NEK10: variants seen among roughly 807,000 people sequenced by gnomAD.
NEK10 encodes serine/threonine-protein kinase Nek10.
In NEK10, 122 loss-of-function variants were observed where a neutral mutation model predicts 159.8. The observed-to-expected ratio is 0.76, with a 90% CI of 0.66 to 0.89. The LOEUF is 0.89. NEK10 is among the 40% of genes least tolerant of loss of function. NEK10 has a pLI of 0.00. For missense variants in NEK10, 1,342 were observed against 1,323.1 expected (o/e 1.01, Z -0.22); for synonymous variants, 466 against 457.1 (o/e 1.02, Z -0.25).
chr3:27,295,654 G>A lies in NEK10; in HGVS notation c.1267C>T (p.Pro423Ser). ...TTTGCTGCATTCTTTTGCTTATTTGGTAAAATTAATTTTGCTATTGTATAT... is the reference window on the plus strand; with the variant it reads ...TTTGCTGCATTCTTTTGCTTATTTGATAAAATTAATTTTGCTATTGTATAT... Reference protein sequence around the residue: ...GVYTIAKLILPNKQKNAAKSN... With the variant: ...GVYTIAKLILSNKQKNAAKSN... Residue 423 changes from proline (P) to serine (S), a missense_variant, in exon 15 of 36, where the codon CCA becomes TCA. By Grantham distance (74) the Pro-to-Ser change is moderately conservative. Coordinates refer to ENST00000691995, the MANE Select transcript of NEK10 (RefSeq NM_001394966.1). The A allele has an allele frequency of 6.4e-7, 1 of 1,567,188 alleles. No homozygotes were observed. The highest frequency in any genetic ancestry group is 8.7e-7 in the Non-Finnish European group (1 of 1,153,502).
At chr3:27,117,094 C>T (rs561164789) in intron 33 of NEK10, among the ~76,000 whole-genome samples, 11 of 152,140 alleles carry the variant, frequency 7.2e-5, no homozygotes, top group East Asian at 1.9e-4. Context: ...TTTCTGTTCC[C>T]GTGTTAGTTT....
At chr3:27,119,150 T>C (rs2125438286) in intron 33 of NEK10, among the ~76,000 whole-genome samples, 1 of 152,340 alleles carries the variant, frequency 6.6e-6, no homozygotes, top group East Asian at 1.9e-4. Context: ...ACTCTAATCC[T>C]CACTATAACC....
At chr3:27,326,089 TTGGG>T (rs2045980351) in intron 5 of NEK10, among the ~76,000 whole-genome samples, 1 of 152,182 alleles carries the variant, frequency 6.6e-6, no homozygotes, top group African/African-American at 2.4e-5. Flanking sequence ...ATACCCTGCA[TTGGG>T]AAAAATAAAC....
At chr3:27,324,186 T>A (rs1387114166) in intron 5 of NEK10, among the ~76,000 whole-genome samples, 1 of 152,236 alleles carries the variant, frequency 6.6e-6, no homozygotes, top group Non-Finnish European at 1.5e-5. Flanking sequence ...GTCGCTCAGC[T>A]GTCCCACATC....
intron 23 of NEK10, chr3:27,214,970 C>A: frequency 1.3e-6 from 1 of 747,192 alleles, no homozygotes; most frequent in East Asian, 2.6e-5. Flanking sequence ...ATCTTCACGA[C>A]CACATCCGCC....
At chr3:27,263,123 A>G (rs2040560877) in intron 22 of NEK10, among the ~76,000 whole-genome samples, 1 of 152,364 alleles carries the variant, frequency 6.6e-6, no homozygotes, top group East Asian at 1.9e-4. Context: ...CGGAGGCTGC[A>G]GAACAGCGGA....
At chr3:27,152,440 T>C (rs1944974510) in intron 30 of NEK10, among the ~76,000 whole-genome samples, 1 of 151,986 alleles carries the variant, frequency 6.6e-6, no homozygotes, top group Non-Finnish European at 1.5e-5. Context: ...GACAAACAAA[T>C]GCTAAGAGAA....
At chr3:27,210,321 T>C (rs1240196185) in intron 23 of NEK10, among the ~76,000 whole-genome samples, 1 of 152,014 alleles carries the variant, frequency 6.6e-6, no homozygotes, top group Non-Finnish European at 1.5e-5. Context: ...CTCACTTGGA[T>C]CTCCCTCTAG....
At chr3:27,117,466 T>C (rs965393923) in intron 33 of NEK10, among the ~76,000 whole-genome samples, 1 of 152,192 alleles carries the variant, frequency 6.6e-6, no homozygotes, top group Non-Finnish European at 1.5e-5. Flanking sequence ...CATTCCTATT[T>C]CTCCACAGCC....
At chr3:27,283,487 C>G (rs967140096) in intron 22 of NEK10, among the ~76,000 whole-genome samples, 1 of 152,020 alleles carries the variant, frequency 6.6e-6, no homozygotes, top group African/African-American at 2.4e-5. Context: ...AGTGTATTCT[C>G]AAAAAATTTT....
chr3:27,121,807 T>G (rs1173178030), intron 32 of NEK10, among the ~76,000 whole-genome samples: 1 of 152,146 alleles, frequency 6.6e-6, no homozygotes, highest in African/African-American at 2.4e-5. Flanking sequence ...AGATGTAATG[T>G]GGCCGTACAA....
chr3:27,215,071 A>C, intron 23 of NEK10: 2 of 557,374 alleles, frequency 3.6e-6, no homozygotes, highest in Non-Finnish European at 6.7e-6. Context: ...TCCCGCTCCA[A>C]CCCCTGCAAG....
rs145724565 is a variant in NEK10, at chr3:27,119,841, C to T, written c.3109G>A (p.Glu1037Lys). 7.4e-6 allele frequency: 12 copies of T among 1,613,752 alleles called. No homozygotes were observed. The highest frequency in any genetic ancestry group is 6.7e-5 in the African/African-American group (5 of 74,896). The change falls in exon 33 of 36, where the codon GAG becomes AAG. Residue 1037 changes from glutamate (E) to lysine (K), a missense_variant. By Grantham distance (56) the Glu-to-Lys change is moderately conservative (BLOSUM62 1). Coordinates refer to ENST00000691995, the MANE Select transcript of NEK10 (RefSeq NM_001394966.1). The part of the protein sequence containing the change: ...KLSQGSPEPI[E>K]PNFFTADYHL... ...TAATCTGCTGTGAAAAAGTTGGGCT[C>T]AATCGGTTCTGGAGATCCCTGAGAT...
intron 22 of NEK10, among the ~76,000 whole-genome samples, chr3:27,271,277 G>C (rs960829621): frequency 1.3e-5 from 2 of 151,768 alleles, no homozygotes; most frequent in South Asian, 4.2e-4. Flanking sequence ...CGTATAAGGT[G>C]GTGTTAACAA....
At chr3:27,306,574 A>T (rs576343103) in intron 11 of NEK10, among the ~76,000 whole-genome samples, 8 of 152,314 alleles carry the variant, frequency 5.3e-5, no homozygotes, top group Middle Eastern at 3.4e-3. Context: ...AACAAATTTG[A>T]TCATGCTTAA....
At chr3:27,273,379 A>G (rs1328985566) in intron 22 of NEK10, among the ~76,000 whole-genome samples, 1 of 152,198 alleles carries the variant, frequency 6.6e-6, no homozygotes, top group Non-Finnish European at 1.5e-5. Context: ...CTTGGTTAAG[A>G]GATGACCTCT....
intron 23 of NEK10, among the ~76,000 whole-genome samples, chr3:27,222,296 C>T (rs1952195401): frequency 6.6e-6 from 1 of 152,172 alleles, no homozygotes; most frequent in African/African-American, 2.4e-5. Context: ...TTACTTGAAC[C>T]TGAGAGGCAG....
intron 23 of NEK10, among the ~76,000 whole-genome samples, chr3:27,205,044 A>G (rs1365509892): frequency 3.3e-5 from 5 of 151,430 alleles, no homozygotes; most frequent in Non-Finnish European, 5.9e-5. Context: ...TTTGATTTGC[A>G]TTTCTCTGAT....
chr3:27,305,584 A>C (rs2044174761), intron 11 of NEK10, among the ~76,000 whole-genome samples: 1 of 150,492 alleles, frequency 6.6e-6, no homozygotes, highest in Non-Finnish European at 1.5e-5. Flanking sequence ...TATCAAGGAC[A>C]AACAATGACA....
Sources: allele counts gnomAD v4.1 joint callset (sites outside exome capture counted in the v4.1 genomes callset), GRCh38; gene constraint gnomAD v4.1.1; transcripts MANE v1.5; gene names NCBI Gene and HGNC (gene_info 2026-07-23, HGNC 2026-07-21).